The following CDH12 variants were observed in gnomAD, a reference collection of about 807,000 sequenced individuals.
CDH12 encodes cadherin 12.
Under a neutral mutation model 74.1 loss-of-function variants are expected in CDH12, and 41 were observed. The ratio of observed to expected loss-of-function variants is 0.55; its 90% CI spans 0.43 to 0.72. CDH12 has a LOEUF of 0.72. Among genes scored for constraint, CDH12 ranks in the 30% least tolerant of loss-of-function variants. The pLI is 0.00. For missense variants in CDH12, 945 were observed against 977.2 expected (o/e 0.97, Z 0.44); for synonymous variants, 399 against 355.0 (o/e 1.12, Z -1.39).
intron 4 of CDH12, among the ~76,000 whole-genome samples, chr5:22,194,621 C>T (rs1246455717): frequency 2.0e-5 from 3 of 152,072 alleles, no homozygotes; most frequent in Non-Finnish European, 4.4e-5. Flanking sequence ...TGTGAGGCAC[C>T]GTGACTGGCC....
chr5:22,434,790 G>A (rs1314273361), intron 2 of CDH12, among the ~76,000 whole-genome samples: 1 of 151,798 alleles, frequency 6.6e-6, no homozygotes, highest in East Asian at 1.9e-4. Context: ...AATTTTCTCA[G>A]CAAAGTTCTT....
At chr5:21,941,586 T>A (rs1755330270) in intron 6 of CDH12, among the ~76,000 whole-genome samples, 1 of 151,804 alleles carries the variant, frequency 6.6e-6, no homozygotes, top group Non-Finnish European at 1.5e-5. Flanking sequence ...AGTAATTGTG[T>A]ACTTAGATGT....
chr5:21,824,745 A>G (rs1394415949), intron 8 of CDH12, among the ~76,000 whole-genome samples: 1 of 152,172 alleles, frequency 6.6e-6, no homozygotes, highest in African/African-American at 2.4e-5. Context: ...AGTAGGAAGG[A>G]CAATCCTACC....
chr5:22,361,066 G>C (rs1387174981), intron 3 of CDH12, among the ~76,000 whole-genome samples: 1 of 152,156 alleles, frequency 6.6e-6, no homozygotes, highest in Non-Finnish European at 1.5e-5. Context: ...CATAGTGTTG[G>C]AAGTTCTGGC....
chr5:22,106,862 T>A, intron 4 of CDH12, among the ~76,000 whole-genome samples: 1 of 152,192 alleles, frequency 6.6e-6, no homozygotes, highest in East Asian at 1.9e-4. Flanking sequence ...TAGTGTAAGA[T>A]GTATTAATAT....
chr5:21,860,146 C>T (rs1325344340), intron 6 of CDH12, among the ~76,000 whole-genome samples: 1 of 152,034 alleles, frequency 6.6e-6, no homozygotes, highest in Non-Finnish European at 1.5e-5. Flanking sequence ...CTGTAATTGT[C>T]ATGAATACTT....
At chr5:22,754,128 C>G (rs1745753004) in intron 1 of CDH12, among the ~76,000 whole-genome samples, 1 of 152,070 alleles carries the variant, frequency 6.6e-6, no homozygotes. Context: ...TGGCAATTAT[C>G]CATTATCAAA....
chr5:22,714,820 T>C (rs1743485740), intron 1 of CDH12, among the ~76,000 whole-genome samples: 1 of 152,198 alleles, frequency 6.6e-6, no homozygotes, highest in Non-Finnish European at 1.5e-5. Context: ...TTCCATGCCA[T>C]TTAAAATTGA....
At chr5:22,699,692 A>T (rs548644426) in intron 1 of CDH12, among the ~76,000 whole-genome samples, 1 of 152,334 alleles carries the variant, frequency 6.6e-6, no homozygotes, top group South Asian at 2.1e-4. Context: ...ACATGTAAAT[A>T]TAAGGCAGAA....
intron 1 of CDH12, among the ~76,000 whole-genome samples, chr5:22,527,151 A>G (rs1230799272): frequency 6.6e-6 from 1 of 152,140 alleles, no homozygotes; most frequent in African/African-American, 2.4e-5. Context: ...TTCAACTGCT[A>G]AAAGTTCTTA....
intron 2 of CDH12, among the ~76,000 whole-genome samples, chr5:22,496,185 T>C (rs1747100080): frequency 6.6e-6 from 1 of 152,198 alleles, no homozygotes; most frequent in Non-Finnish European, 1.5e-5. Flanking sequence ...GCTTGGCACT[T>C]CTACAGTTTG....
intron 1 of CDH12, among the ~76,000 whole-genome samples, chr5:22,643,570 A>G (rs1274804174): frequency 6.6e-6 from 1 of 152,102 alleles, no homozygotes; most frequent in Non-Finnish European, 1.5e-5. Flanking sequence ...TACTCAGCAT[A>G]TTCTTGGTGA....
chr5:22,334,920 C>T (rs1428379006), intron 3 of CDH12, among the ~76,000 whole-genome samples: 1 of 152,082 alleles, frequency 6.6e-6, no homozygotes, highest in African/African-American at 2.4e-5. Context: ...AGAAACTCTC[C>T]ACAGCATTTG....
chr5:22,708,511 A>G (rs1743133983), intron 1 of CDH12, among the ~76,000 whole-genome samples: 1 of 152,118 alleles, frequency 6.6e-6, no homozygotes, highest in South Asian at 2.1e-4. Flanking sequence ...GATGGAGTAA[A>G]AGGAAAAGCC....
At chr5:22,384,076 T>C (rs1301025578) in intron 3 of CDH12, among the ~76,000 whole-genome samples, 2 of 152,208 alleles carry the variant, frequency 1.3e-5, no homozygotes, top group Non-Finnish European at 2.9e-5. Flanking sequence ...ATTAGACTTT[T>C]ATGATAACTA....
intron 12 of CDH12, among the ~76,000 whole-genome samples, chr5:21,761,121 A>G (rs1387536037): frequency 3.3e-5 from 5 of 152,156 alleles, no homozygotes; most frequent in Non-Finnish European, 7.4e-5. Flanking sequence ...TATTTTCATA[A>G]ATAAATAAAA....
At position 22,144,779 on chromosome 5, in the gene CDH12, CAA is replaced by C. The variant is rs150828218; in HGVS notation, c.-186-65919_-186-65918del. ...ACAAATTAAAATAAAAAATTAAAAACAAATATTACCTTATAAAAATTCAAACC... is the reference window on the plus strand; with the variant it reads ...ACAAATTAAAATAAAAAATTAAAAACATATTACCTTATAAAAATTCAAACC... On this transcript the variant is annotated intron_variant, in intron 4 of 14. Transcript: ENST00000382254. Among the ~76,000 whole-genome samples the C allele has an allele frequency of 2.0e-5, 3 of 151,966 alleles. No homozygotes were observed. In the East Asian group the frequency reaches 5.8e-4, roughly 29 times the overall value.
chr5:21,887,006 T>G (rs1248752850), intron 6 of CDH12, among the ~76,000 whole-genome samples: 1 of 152,138 alleles, frequency 6.6e-6, no homozygotes. Context: ...ATTATCAACA[T>G]GTGTTGTGAT....
intron 6 of CDH12, among the ~76,000 whole-genome samples, chr5:21,936,020 A>C (rs988804776): frequency 6.6e-6 from 1 of 152,118 alleles, no homozygotes; most frequent in Admixed American, 6.6e-5. Context: ...GTTGATTCCA[A>C]ATTTTGGCTA....
Sources: gnomAD v4.1 joint callset for allele counts (sites outside exome capture counted in the v4.1 genomes callset) on GRCh38, gnomAD v4.1.1 for gene constraint, MANE v1.5 for transcripts, NCBI Gene and HGNC (gene_info 2026-07-23, HGNC 2026-07-21) for gene names.